Variants in DNAH8 observed in about 807,000 individuals in gnomAD.
DNAH8 encodes the protein dynein axonemal heavy chain 8, also known as axonemal beta dynein heavy chain 8.
Under a neutral mutation model 562.1 loss-of-function variants are expected in DNAH8, and 382 were observed. The ratio of observed to expected loss-of-function variants is 0.68; its 90% CI spans 0.63 to 0.74. The LOEUF (loss-of-function observed/expected upper bound fraction) is 0.74. DNAH8 is among the 30% of genes least tolerant of loss of function. DNAH8 has a pLI of 0.00. For synonymous variants in DNAH8, 1,881 were observed against 1,919.4 expected (o/e 0.98, Z 0.52); for missense variants, 5,203 against 5,620.4 (o/e 0.93, Z 2.37).
At chr6:38,814,006 T>G in intron 24 of DNAH8, 48 bp from the exon 25 acceptor site, 4 of 1,333,502 alleles carry the variant, frequency 3.0e-6, no homozygotes, top group Non-Finnish European at 3.2e-6. Context: ...AAACTAACAA[T>G]GAAATTTTAG....
At chr6:38,732,666 T>C (rs888213297) in intron 4 of DNAH8, among the ~76,000 whole-genome samples, 3 of 152,204 alleles carry the variant, frequency 2.0e-5, no homozygotes, top group Non-Finnish European at 4.4e-5. Flanking sequence ...ATCAGTAGAC[T>C]TCCATCTCTC....
chr6:38,791,641 T>A lies in DNAH8; in HGVS notation c.2868T>A (p.Ala956=). Reference sequence around the variant, plus strand: ...TGATTTCTCTGCCTGAAAGTGGTGCTACCAAAGTAGAAGATATGTTGACCC... The same window carrying A: ...TGATTTCTCTGCCTGAAAGTGGTGCAACCAAAGTAGAAGATATGTTGACCC... The part of the protein sequence containing the change: ...TVLISLPESG[A]TKVEDMLTLN... Residue 956 remains alanine, a synonymous_variant, in exon 21 of 93, where the codon GCT becomes GCA. Coordinates refer to ENST00000327475, the MANE Select transcript of DNAH8 (RefSeq NM_001206927.2). 6.2e-7 allele frequency: 1 copy of A among 1,614,010 alleles called. No homozygotes were observed. The highest frequency in any genetic ancestry group is 8.5e-7 in the Non-Finnish European group (1 of 1,179,928).
intron 72 of DNAH8, 86 bp from the exon 73 acceptor site, chr6:38,923,905 C>A: frequency 7.1e-7 from 1 of 1,414,578 alleles, no homozygotes; most frequent in South Asian, 1.2e-5. Flanking sequence ...GGATTTCACC[C>A]AGTAACAGAG....
rs930604606 is a variant in DNAH8 at position 38,875,454 on chromosome 6, G to A, written c.7621-137G>A. ...TTCTTCTACGTGCTGTTGGCTGTAG[G>A]ACGGTGATCAAGCAATAGCTTGAGA... On this transcript the variant is annotated intron_variant, in intron 52 of 92. Transcript: ENST00000327475. The A allele has an allele frequency of 2.1e-5, 12 of 558,928 alleles. No homozygotes were observed. The Admixed American group carries it at 4.1e-4, about 19-fold the overall frequency. The allele number at this position is 558,928 out of a possible 1,614,324, so 34.6% of individuals were successfully genotyped here.
chr6:38,865,417 A>G (rs1469847438), intron 45 of DNAH8, among the ~76,000 whole-genome samples: 1 of 152,238 alleles, frequency 6.6e-6, no homozygotes. Flanking sequence ...TCCCTGGATT[A>G]AGAATAATAT....
chr6:38,877,756 G>A (rs537267797), intron 53 of DNAH8, among the ~76,000 whole-genome samples: 1 of 152,270 alleles, frequency 6.6e-6, no homozygotes, highest in Admixed American at 6.5e-5. Context: ...ATGAAGTAAG[G>A]AGACTTATGC....
chr6:38,822,812 T>A (rs1255323998), intron 26 of DNAH8, 26 bp from the exon 27 acceptor site: 1 of 1,480,758 alleles, frequency 6.8e-7, no homozygotes, highest in Non-Finnish European at 9.0e-7. Context: ...AGAAGTTATT[T>A]ATAGTGTAAA....
intron 30 of DNAH8, among the ~76,000 whole-genome samples, chr6:38,828,586 C>A (rs1773568905): frequency 1.3e-5 from 2 of 152,110 alleles, no homozygotes. Context: ...TACCATATAG[C>A]CTAGGTGTAC....
chr6:38,719,294 A>G lies in DNAH8; in HGVS notation c.-34-3482A>G, dbSNP rs1241058214. On this transcript the variant is annotated intron_variant, in intron 1 of 92. Coordinates refer to ENST00000327475, the MANE Select transcript of DNAH8 (RefSeq NM_001206927.2). ...AAGATTTCTTACAAAGGTTTATTGCATGATGCTGAGGTTTGGAGTATGATT... is the reference window on the plus strand; with the variant it reads ...AAGATTTCTTACAAAGGTTTATTGCGTGATGCTGAGGTTTGGAGTATGATT... Among the ~76,000 whole-genome samples the G allele has an allele frequency of 2.0e-5, 3 of 152,162 alleles. No individual in the cohort carries two copies. The East Asian group carries it at 5.8e-4, about 29-fold the overall frequency.
intron 87 of DNAH8, among the ~76,000 whole-genome samples, chr6:38,988,701 C>T (rs910251360): frequency 5.3e-5 from 8 of 152,138 alleles, no homozygotes; most frequent in Non-Finnish European, 1.2e-4. Context: ...CCTTAACCTG[C>T]TTCTCATTTT....
At chr6:38,728,897 G>T (rs1420194116) in intron 3 of DNAH8, among the ~76,000 whole-genome samples, 1 of 152,114 alleles carries the variant, frequency 6.6e-6, no homozygotes, top group Non-Finnish European at 1.5e-5. Flanking sequence ...CTTCCGCTAG[G>T]CAGTCAGTAA....
rs61757620 is a variant in DNAH8, at chr6:38,737,093, G to A, written c.789G>A (p.Ala263=). The stretch of plus-strand genomic sequence containing the variant: ...AAGCGCTCTTTACTGTTCTGGATGC[G>A]TCGAAAGGACTCTTAAATGGAATTA... ...QEEALFTVLD[A]SKGLLNGIRD... The change falls in exon 6 of 93, where the codon GCG becomes GCA. Residue 263 remains alanine, a synonymous_variant. Coordinates refer to ENST00000327475, the MANE Select transcript of DNAH8 (RefSeq NM_001206927.2). 612 of 1,565,900 alleles carry A rather than the reference G, an allele frequency of 3.9e-4. No homozygotes were observed. Among genetic ancestry groups the A allele is most frequent in the African/African-American group, 1.2e-3 (85 of 72,256 alleles).
intron 86 of DNAH8, among the ~76,000 whole-genome samples, chr6:38,982,823 T>TG (rs1456874898): frequency 6.6e-6 from 1 of 152,230 alleles, no homozygotes; most frequent in Non-Finnish European, 1.5e-5. Flanking sequence ...CGAAAGTTCT[T>TG]TCTCACCTTA....
intron 68 of DNAH8, among the ~76,000 whole-genome samples, chr6:38,916,677 G>A (rs1781333732): frequency 6.6e-6 from 1 of 152,180 alleles, no homozygotes; most frequent in African/African-American, 2.4e-5. Flanking sequence ...AGGAGTCTTA[G>A]AACATGTTAT....
intron 85 of DNAH8, among the ~76,000 whole-genome samples, chr6:38,981,941 G>A (rs1318788346): frequency 6.6e-6 from 1 of 152,186 alleles, no homozygotes; most frequent in Non-Finnish European, 1.5e-5. Context: ...AGAGTATAAT[G>A]TATTTTTACT....
intron 30 of DNAH8, among the ~76,000 whole-genome samples, chr6:38,829,964 CCTTT>C (rs1215911984): frequency 6.6e-6 from 1 of 152,114 alleles, no homozygotes; most frequent in Non-Finnish European, 1.5e-5. Flanking sequence ...TCTTTATAGT[CCTTT>C]CTATTTCTGT....
rs371250738 is a variant in DNAH8 at position 38,737,176 on chromosome 6, C to A, written c.872C>A (p.Ala291Asp). 5.5e-5 allele frequency: 86 copies of A among 1,572,886 alleles called. No individual in the cohort carries two copies. Among genetic ancestry groups the A allele is most frequent in the Middle Eastern group, 3.4e-4 (2 of 5,970 alleles). ...PAVLATNNWG[A>D]LNQSKQGESE... Reference sequence around the variant, plus strand: ...GTTCTTGCAACAAACAACTGGGGTGCTTTAAACCAGTCCAAGCAGGGAGAA... The same window carrying A: ...GTTCTTGCAACAAACAACTGGGGTGATTTAAACCAGTCCAAGCAGGGAGAA... The change falls in exon 6 of 93, where the codon GCT becomes GAT. Residue 291 changes from alanine to aspartate, a missense_variant. Physicochemically the swap from Ala to Asp is moderately radical, Grantham distance 126. This residue lies in a region of DNAH8 where 556 missense variants were observed against 496.9 expected (regional missense o/e 1.12). Transcript: ENST00000327475.
chr6:38,957,866 C>CAAAAAAAAAAAAAAAAAAAAAAA (rs1209427701), intron 82 of DNAH8, among the ~76,000 whole-genome samples: 1 of 75,912 alleles, frequency 1.3e-5, no homozygotes, highest in Admixed American at 1.5e-4. Flanking sequence ...ATGCCTACAC[C>CAAAAAAAAAAAAAAAAAAAAAAA]AAAAAAAAAA....
chr6:38,782,042 T>C (rs964247177), intron 16 of DNAH8, among the ~76,000 whole-genome samples: 2 of 152,154 alleles, frequency 1.3e-5, no homozygotes, highest in African/African-American at 2.4e-5. Flanking sequence ...GTTTTGCAAG[T>C]AATTGTATTA....
Sources: gnomAD v4.1 joint callset for allele counts (sites outside exome capture counted in the v4.1 genomes callset) on GRCh38, gnomAD v4.1.1 for gene constraint, gnomAD v4.1.1 regional missense constraint, MANE v1.5 for transcripts, NCBI Gene and HGNC (gene_info 2026-07-23, HGNC 2026-07-21) for gene names.